NRXN1: variants seen among roughly 807,000 people sequenced by gnomAD.
The protein encoded by NRXN1 is neurexin 1.
NRXN1 carries 39 observed loss-of-function variants against 150.9 expected under a neutral mutation model. The observed-to-expected ratio is 0.26, with a 90% CI of 0.20 to 0.34. The LOEUF (loss-of-function observed/expected upper bound fraction) is 0.34. Among genes scored for constraint, NRXN1 ranks in the 10% least tolerant of loss-of-function variants. The probability of loss-of-function intolerance (pLI) is 1.00; values close to 1 mark genes in which losing one functional copy is unlikely to be tolerated. For missense variants in NRXN1, 1,815 were observed against 1,949.9 expected, an observed-to-expected ratio of 0.93 and a Z score of 1.30; for synonymous variants, 924 against 757.0, an observed-to-expected ratio of 1.22 and a Z score of -3.62.
intron 3 of NRXN1, among the ~76,000 whole-genome samples, chr2:50,925,432 A>AT (rs1241462160): frequency 6.6e-6 from 1 of 151,860 alleles, no homozygotes; most frequent in Non-Finnish European, 1.5e-5. Flanking sequence ...CCAATGGCTT[A>AT]TTTTTTAATC....
At chr2:50,543,469 T>C (rs1263771898) in intron 9 of NRXN1, among the ~76,000 whole-genome samples, 1 of 152,146 alleles carries the variant, frequency 6.6e-6, no homozygotes, top group Non-Finnish European at 1.5e-5. Context: ...ATAATTTTAA[T>C]GTAGAAACGA....
chr2:50,986,745 T>G (rs1290776065), intron 2 of NRXN1, among the ~76,000 whole-genome samples: 3 of 151,592 alleles, frequency 2.0e-5, no homozygotes, highest in African/African-American at 7.3e-5. Flanking sequence ...TTCATATTTT[T>G]TTTCCAAAAA....
At chr2:50,560,864 A>T (rs13430729) in intron 8 of NRXN1, among the ~76,000 whole-genome samples, 5,595 of 152,288 alleles carry the variant, frequency 0.037, 342 homozygotes, top group African/African-American at 0.13. Flanking sequence ...TTTCAATAAA[A>T]TATGTTATCT....
intron 18 of NRXN1, among the ~76,000 whole-genome samples, chr2:50,148,941 A>C (rs1257550938): frequency 6.6e-6 from 1 of 151,668 alleles, no homozygotes; most frequent in Non-Finnish European, 1.5e-5. Context: ...GGTGCCAGAG[A>C]GGGTTAAATT....
At position 50,531,519 on chromosome 2, in the gene NRXN1, T is replaced by C. The variant is rs2066948; in HGVS notation, c.2144-89A>G. On this transcript the variant is annotated intron_variant, in intron 10 of 22. Transcript: ENST00000401669. Reference sequence around the variant, plus strand: ...GAAAAGGATCATTTATTATCATTTATTTAAGACTTCCAGAACACAATACTA... The same window carrying C: ...GAAAAGGATCATTTATTATCATTTACTTAAGACTTCCAGAACACAATACTA... 0.86 allele frequency: 856,976 copies of C among 995,038 alleles called. 371,213 individuals are homozygous for C. Among genetic ancestry groups the C allele is most frequent in the African/African-American group, 0.95 (58,670 of 62,016 alleles). 61.6% of individuals were successfully genotyped at this position (995,038 alleles called of 1,614,324 possible).
chr2:50,148,925 T>C (rs868100890), intron 18 of NRXN1, among the ~76,000 whole-genome samples: 4 of 151,638 alleles, frequency 2.6e-5, no homozygotes, highest in African/African-American at 9.7e-5. Flanking sequence ...TTTCTTTTGG[T>C]ATGGGGGTGC....
chr2:50,061,580 C>T (rs957888283), intron 19 of NRXN1, among the ~76,000 whole-genome samples: 2 of 152,168 alleles, frequency 1.3e-5, no homozygotes, highest in East Asian at 1.9e-4. Context: ...AAGATCTATA[C>T]ATTCCGGGCT....
chr2:50,837,426 C>A (rs901898141), intron 5 of NRXN1, among the ~76,000 whole-genome samples: 2 of 152,042 alleles, frequency 1.3e-5, no homozygotes, highest in Non-Finnish European at 2.9e-5. Flanking sequence ...CCAGGCTGTC[C>A]TTATAAACAC....
At chr2:50,575,928 T>C (rs1671377711) in intron 8 of NRXN1, among the ~76,000 whole-genome samples, 1 of 152,180 alleles carries the variant, frequency 6.6e-6, no homozygotes, top group Non-Finnish European at 1.5e-5. Context: ...TAATGTTACA[T>C]CATGGCAGTT....
At chr2:50,285,049 T>C (rs921025066) in intron 17 of NRXN1, among the ~76,000 whole-genome samples, 4 of 152,144 alleles carry the variant, frequency 2.6e-5, no homozygotes, top group Admixed American at 1.3e-4. Flanking sequence ...AGATAATTAT[T>C]TATCCAATTT....
intron 18 of NRXN1, among the ~76,000 whole-genome samples, chr2:50,170,273 C>G (rs1240376823): frequency 1.3e-5 from 2 of 151,884 alleles, no homozygotes; most frequent in Non-Finnish European, 2.9e-5. Context: ...AGGAAATACT[C>G]ATTAGAACAT....
At chr2:50,083,908 C>A (rs567640801) in intron 19 of NRXN1, among the ~76,000 whole-genome samples, 7 of 152,280 alleles carry the variant, frequency 4.6e-5, no homozygotes, top group Admixed American at 1.3e-4. Context: ...TTCTCCAAGT[C>A]CGCACCAGAT....
At chr2:50,012,542 A>C (rs1475952142) in intron 21 of NRXN1, among the ~76,000 whole-genome samples, 1 of 152,036 alleles carries the variant, frequency 6.6e-6, no homozygotes, top group Non-Finnish European at 1.5e-5. Context: ...CATTTTGAAA[A>C]TTTTGTCCTG....
At chr2:50,238,775 C>T (rs942447250) in intron 17 of NRXN1, among the ~76,000 whole-genome samples, 3 of 151,966 alleles carry the variant, frequency 2.0e-5, no homozygotes, top group Non-Finnish European at 4.4e-5. Flanking sequence ...CCAAAGACCT[C>T]TGCAATATGC....
At chr2:50,721,096 T>G (rs941738975) in intron 5 of NRXN1, among the ~76,000 whole-genome samples, 1 of 152,138 alleles carries the variant, frequency 6.6e-6, no homozygotes, top group Non-Finnish European at 1.5e-5. Flanking sequence ...GATAGAAACA[T>G]GGAAATTGTG....
chr2:50,868,889 G>T (rs1264097287), intron 5 of NRXN1, among the ~76,000 whole-genome samples: 2 of 151,770 alleles, frequency 1.3e-5, no homozygotes, highest in African/African-American at 2.4e-5. Context: ...AGTCAGAAAA[G>T]AAACATAATT....
chr2:50,977,643 C>G (rs1203459089), intron 2 of NRXN1, among the ~76,000 whole-genome samples: 1 of 151,906 alleles, frequency 6.6e-6, no homozygotes, highest in African/African-American at 2.4e-5. Context: ...ATTAAACACA[C>G]TCCTACCCTC....
intron 17 of NRXN1, among the ~76,000 whole-genome samples, chr2:50,348,837 C>CTT (rs200029269): frequency 1.6e-3 from 228 of 145,278 alleles, no homozygotes; most frequent in Non-Finnish European, 1.8e-3. Flanking sequence ...AGTGGCTGGA[C>CTT]TTTTTTTTTT....
chr2:50,483,480 G>T (rs1265791399), intron 15 of NRXN1, among the ~76,000 whole-genome samples: 1 of 152,110 alleles, frequency 6.6e-6, no homozygotes, highest in African/African-American at 2.4e-5. Flanking sequence ...TCTTGCACAA[G>T]GTTCAAGAAC....
Sources: gnomAD v4.1 joint callset for allele counts (sites outside exome capture counted in the v4.1 genomes callset) on GRCh38, gnomAD v4.1.1 for gene constraint, MANE v1.5 for transcripts, NCBI Gene and HGNC (gene_info 2026-07-23, HGNC 2026-07-21) for gene names.